The following DGKI variants were observed in gnomAD, a reference collection of about 807,000 sequenced individuals.
DGKI encodes the protein diacylglycerol kinase iota.
A neutral mutation model predicts 147.5 loss-of-function variants in DGKI; 55 were observed. The ratio of observed to expected loss-of-function variants is 0.37; its 90% CI spans 0.30 to 0.47. The LOEUF (loss-of-function observed/expected upper bound fraction) is 0.47, where lower values mean the gene tolerates loss of function less well. DGKI is among the 20% of genes least tolerant of loss of function. The pLI is 1.00. For synonymous variants in DGKI, 469 were observed against 477.1 expected, an observed-to-expected ratio of 0.98 and a Z score of 0.22; for missense variants, 1,007 against 1,323.8, an observed-to-expected ratio of 0.76 and a Z score of 3.71.
intron 10 of DGKI, among the ~76,000 whole-genome samples, chr7:137,604,413 C>T (rs1416145660): frequency 2.0e-5 from 3 of 152,158 alleles, no homozygotes; most frequent in African/African-American, 7.2e-5. Flanking sequence ...GTTATTTACT[C>T]TTTCTGTCTT....
At chr7:137,819,887 C>G (rs1404422879) in intron 1 of DGKI, among the ~76,000 whole-genome samples, 1 of 152,190 alleles carries the variant, frequency 6.6e-6, no homozygotes, top group Non-Finnish European at 1.5e-5. Context: ...TCCTTGTCCC[C>G]CTACAGAATC....
At chr7:137,405,754 C>T (rs375168323) in intron 30 of DGKI, among the ~76,000 whole-genome samples, 8 of 152,116 alleles carry the variant, frequency 5.3e-5, no homozygotes, top group Admixed American at 1.3e-4. Context: ...CACTACCATG[C>T]TGTGAAGGAT....
chr7:137,505,411 G>T (rs1044809875), intron 21 of DGKI, among the ~76,000 whole-genome samples: 5 of 152,218 alleles, frequency 3.3e-5, no homozygotes, highest in Admixed American at 6.6e-5. Flanking sequence ...TCTCATTTAT[G>T]CTGTTGTAGT....
rs60719355 is a variant in DGKI at position 137,569,728 on chromosome 7, C to CAAAAAAAAAAAAAAAAAAA, written c.1947+1428_1947+1446dup. 2.3e-4 allele frequency among the ~76,000 whole-genome samples: 15 copies of CAAAAAAAAAAAAAAAAAAA among 64,620 alleles called. 4 individuals carry two copies. Among genetic ancestry groups the CAAAAAAAAAAAAAAAAAAA allele is most frequent in the Non-Finnish European group, 3.7e-4 (13 of 34,854 alleles). 42.4% of individuals were successfully genotyped at this position (64,620 alleles called of 152,430 possible). ...TGGGCAACAGAGTGAGACTCTGTCT[C>CAAAAAAAAAAAAAAAAAAA]AAAAAAAAAAAAAAAAAAAAAAAAA... On this transcript the variant is annotated intron_variant, in intron 19 of 32. Coordinates refer to ENST00000614521, the MANE Select transcript of DGKI (RefSeq NM_001321708.2).
At position 137,609,225 on chromosome 7, in the gene DGKI, T is replaced by C. The variant is rs1820283424; in HGVS notation, c.1069-161A>G. Among the ~76,000 whole-genome samples the C allele has an allele frequency of 4.6e-5, 7 of 151,454 alleles. No homozygotes were observed. In the South Asian group the frequency reaches 1.4e-3, roughly 31 times the overall value. On this transcript the variant is annotated intron_variant, in intron 9 of 32. Transcript: ENST00000614521. ...GCTTGGAAGAAAGTATCTCAAGTTA[T>C]CATTTGCTCCAGAGAATTAAGCCAG... is the stretch of plus-strand genomic sequence containing the variant.
At chr7:137,766,998 A>C (rs568986188) in intron 1 of DGKI, among the ~76,000 whole-genome samples, 2 of 152,292 alleles carry the variant, frequency 1.3e-5, no homozygotes, top group Non-Finnish European at 2.9e-5. Flanking sequence ...GCCACTCTGC[A>C]GTGGGGGGCC....
intron 9 of DGKI, 141 bp downstream of exon 9, chr7:137,609,394 C>G (rs903316399): frequency 3.1e-6 from 2 of 655,658 alleles, no homozygotes; most frequent in African/African-American, 3.7e-5. Flanking sequence ...AGAAAGAATC[C>G]TATTGTGGTT....
intron 17 of DGKI, among the ~76,000 whole-genome samples, chr7:137,574,629 A>AT (rs756282191): frequency 3.3e-5 from 5 of 152,266 alleles, no homozygotes; most frequent in South Asian, 2.1e-4. Context: ...CTTTACAGAG[A>AT]TTTTTTTATA....
intron 3 of DGKI, among the ~76,000 whole-genome samples, chr7:137,673,237 A>G (rs1021123314): frequency 3.9e-5 from 6 of 152,166 alleles, no homozygotes; most frequent in South Asian, 2.1e-4. Context: ...ACTTCGACAT[A>G]TCTTTTGGAG....
At chr7:137,821,072 T>C (rs1444039874) in intron 1 of DGKI, among the ~76,000 whole-genome samples, 1 of 152,078 alleles carries the variant, frequency 6.6e-6, no homozygotes, top group Non-Finnish European at 1.5e-5. Context: ...GAGCACCTCG[T>C]TGGTGCTAAA....
At chr7:137,468,936 G>C (rs1481362929) in intron 24 of DGKI, among the ~76,000 whole-genome samples, 1 of 152,134 alleles carries the variant, frequency 6.6e-6, no homozygotes, top group Non-Finnish European at 1.5e-5. Context: ...AATATACAGA[G>C]GTGAGAAGGT....
intron 17 of DGKI, among the ~76,000 whole-genome samples, chr7:137,575,217 T>C (rs1363775771): frequency 6.6e-6 from 1 of 152,238 alleles, no homozygotes. Flanking sequence ...CACCTAGTTA[T>C]AATGATTTTT....
At chr7:137,726,792 T>A (rs754662180) in intron 1 of DGKI, among the ~76,000 whole-genome samples, 1 of 152,200 alleles carries the variant, frequency 6.6e-6, no homozygotes, top group Non-Finnish European at 1.5e-5. Flanking sequence ...TATTGATCTC[T>A]GCTATTGATT....
intron 1 of DGKI, among the ~76,000 whole-genome samples, chr7:137,714,713 AC>A (rs932399802): frequency 3.9e-5 from 6 of 152,184 alleles, no homozygotes; most frequent in African/African-American, 1.4e-4. Context: ...TCTTACTGAA[AC>A]TCAATATTAT....
chr7:137,495,390 C>A (rs1815924234), intron 21 of DGKI, among the ~76,000 whole-genome samples: 1 of 142,486 alleles, frequency 7.0e-6, no homozygotes, highest in African/African-American at 2.8e-5. Flanking sequence ...ATGATTCCTA[C>A]TGAAACTATT....
intron 28 of DGKI, among the ~76,000 whole-genome samples, chr7:137,421,853 G>A (rs553618761): frequency 1.6e-3 from 236 of 152,228 alleles, no homozygotes; most frequent in Non-Finnish European, 2.6e-3. Context: ...TGATTCAGCC[G>A]GCTATCATTT....
intron 21 of DGKI, among the ~76,000 whole-genome samples, chr7:137,495,817 TAA>T (rs1269994310): frequency 1.3e-5 from 2 of 152,076 alleles, no homozygotes; most frequent in East Asian, 3.8e-4. Context: ...TTCAAAATAA[TAA>T]GAGTCATCTA....
At chr7:137,539,017 T>G (rs965324053) in intron 20 of DGKI, among the ~76,000 whole-genome samples, 6 of 152,188 alleles carry the variant, frequency 3.9e-5, no homozygotes, top group African/African-American at 1.2e-4. Context: ...GGACTCTGAA[T>G]GCCGAAAGAA....
intron 21 of DGKI, among the ~76,000 whole-genome samples, chr7:137,496,581 A>G (rs1036204815): frequency 2.0e-5 from 3 of 148,458 alleles, no homozygotes; most frequent in Non-Finnish European, 4.4e-5. Flanking sequence ...CCAAAACAAC[A>G]TGATACTGGT....
Sources: gnomAD v4.1 joint callset for allele counts (sites outside exome capture counted in the v4.1 genomes callset) on GRCh38, gnomAD v4.1.1 for gene constraint, MANE v1.5 for transcripts, NCBI Gene and HGNC (gene_info 2026-07-23, HGNC 2026-07-21) for gene names.